Variants in CFAP44 observed in about 807,000 individuals in gnomAD.
The protein encoded by CFAP44 is cilia and flagella associated protein 44, also known as cilia- and flagella-associated protein 44.
A neutral mutation model predicts 216.2 loss-of-function variants in CFAP44; 134 were observed. That is an observed-to-expected ratio of 0.62 (90% CI 0.54 to 0.72). The LOEUF (loss-of-function observed/expected upper bound fraction) is 0.72. CFAP44 is among the 30% of genes least tolerant of loss of function. CFAP44 has a pLI of 0.00. For synonymous variants in CFAP44, 700 were observed against 727.6 expected (o/e 0.96, Z 0.61); for missense variants, 2,035 against 2,182.1 (o/e 0.93, Z 1.34).
In CFAP44 at chr3:113,436,093, T is replaced by C. The variant is rs193098887; in HGVS notation, c.-5-2424A>G. On this transcript the variant is annotated intron_variant, in intron 1 of 34. Coordinates refer to ENST00000393845, the MANE Select transcript of CFAP44 (RefSeq NM_001164496.2). The stretch of plus-strand genomic sequence containing the variant: ...TTTTAAAATTCACATTCTGTCATCC[T>C]TTTAGTTATCCACATCTCAACATCC... Among the ~76,000 whole-genome samples, 8 of 152,288 alleles carry C rather than the reference T, an allele frequency of 5.3e-5. No homozygotes were observed. The East Asian group carries it at 1.3e-3, about 26-fold the overall frequency.
intron 4 of CFAP44, among the ~76,000 whole-genome samples, chr3:113,425,124 T>C (rs532008967): frequency 1.3e-5 from 2 of 152,090 alleles, no homozygotes; most frequent in African/African-American, 4.8e-5. Context: ...AAAAAAGCCA[T>C]GAAGAGAGAA....
chr3:113,341,621 TTTTA>T (rs1213536255), intron 24 of CFAP44, 119 bp downstream of exon 24: 2 of 1,151,040 alleles, frequency 1.7e-6, no homozygotes, highest in African/African-American at 1.6e-5. Context: ...CCTTCTTTGT[TTTTA>T]TTGTTTTCAC....
chr3:113,404,495 C>T (rs986715981), intron 8 of CFAP44, among the ~76,000 whole-genome samples: 1 of 152,136 alleles, frequency 6.6e-6, no homozygotes, highest in Admixed American at 6.5e-5. Flanking sequence ...TTTAATCTGG[C>T]ATTTTCCCAA....
intron 17 of CFAP44, among the ~76,000 whole-genome samples, chr3:113,375,694 A>T (rs1933322405): frequency 6.6e-6 from 1 of 152,162 alleles, no homozygotes; most frequent in African/African-American, 2.4e-5. Flanking sequence ...GTTGGCACAC[A>T]CCTGTAATCT....
At chr3:113,303,660 G>A (rs962334076) in intron 32 of CFAP44, among the ~76,000 whole-genome samples, 5 of 152,084 alleles carry the variant, frequency 3.3e-5, no homozygotes, top group African/African-American at 1.2e-4. Flanking sequence ...GGTTATTATT[G>A]TATTATTCTA....
intron 28 of CFAP44, among the ~76,000 whole-genome samples, chr3:113,316,705 CTAAAAATA>C (rs1275146858): frequency 6.6e-6 from 1 of 151,942 alleles, no homozygotes; most frequent in African/African-American, 2.4e-5. Context: ...CCCATCTCTA[CTAAAAATA>C]TAAAAATTAG....
intron 22 of CFAP44, among the ~76,000 whole-genome samples, chr3:113,348,101 CAT>C (rs1950406088): frequency 6.6e-6 from 1 of 152,174 alleles, no homozygotes; most frequent in Non-Finnish European, 1.5e-5. Flanking sequence ...GTCCAGGGAC[CAT>C]TGCAGGTTCT....
intron 26 of CFAP44, among the ~76,000 whole-genome samples, chr3:113,329,670 T>A (rs1015743728): frequency 1.3e-5 from 2 of 152,164 alleles, no homozygotes; most frequent in African/African-American, 4.8e-5. Flanking sequence ...GAAATAAGAA[T>A]AGTCGCCATT....
At chr3:113,386,606 C>T (rs564657267) in intron 15 of CFAP44, among the ~76,000 whole-genome samples, 3 of 152,244 alleles carry the variant, frequency 2.0e-5, no homozygotes, top group African/African-American at 7.2e-5. Flanking sequence ...TGGTTAGAGG[C>T]AGGGACAAGG....
Position 113,304,127 on chromosome 3 carries a change from T to G in CFAP44, c.4876-10A>C. 1 of 1,529,730 alleles carries G rather than the reference T, an allele frequency of 6.5e-7. No individual in the cohort carries two copies. The highest frequency in any genetic ancestry group is 2.5e-5 in the East Asian group (1 of 40,764). The allele number at this position is 1,529,730 out of a possible 1,614,324, so 94.8% of individuals were successfully genotyped here. ...ATACCACATACTCTATCTACAAGCA[T>G]AAAACAAATCAAAAGAAAATAGACA... On this transcript the variant is annotated splice_polypyrimidine_tract_variant and intron_variant, in intron 31 of 34. Transcript: ENST00000393845.
intron 17 of CFAP44, among the ~76,000 whole-genome samples, chr3:113,377,881 G>A (rs937775879): frequency 6.6e-6 from 1 of 152,144 alleles, no homozygotes; most frequent in Non-Finnish European, 1.5e-5. Flanking sequence ...TTGATCTTCT[G>A]ACCTCGTGAT....
At chr3:113,375,048 T>G (rs1357037603) in intron 17 of CFAP44, among the ~76,000 whole-genome samples, 1 of 152,218 alleles carries the variant, frequency 6.6e-6, no homozygotes, top group Admixed American at 6.5e-5. Context: ...CGGATGAAAC[T>G]TGGGGAAATT....
intron 30 of CFAP44, 112 bp downstream of exon 30, chr3:113,306,089 A>G (rs1042231323): frequency 2.3e-6 from 3 of 1,302,768 alleles, no homozygotes; most frequent in South Asian, 1.7e-5. Flanking sequence ...AACATTTGAA[A>G]TGTTTCTTTT....
intron 22 of CFAP44, among the ~76,000 whole-genome samples, chr3:113,352,075 G>A (rs146905659): frequency 0.01 from 1,575 of 152,248 alleles, 31 homozygotes; most frequent in African/African-American, 0.036. Flanking sequence ...GGGATTGAGA[G>A]GTGAAGCCAG....
intron 24 of CFAP44, among the ~76,000 whole-genome samples, chr3:113,341,241 C>G (rs564670217): frequency 1.2e-4 from 19 of 152,326 alleles, no homozygotes; most frequent in Non-Finnish European, 2.4e-4. Flanking sequence ...GATGGAGCCC[C>G]AGCCCGGGAC....
At chr3:113,291,894 T>G (rs1042140391) in intron 34 of CFAP44, 146 bp from the exon 35 acceptor site, 2 of 865,214 alleles carry the variant, frequency 2.3e-6, no homozygotes, top group East Asian at 2.7e-5. Context: ...CTTCAATTCC[T>G]CTGCTAAAAT....
chr3:113,377,342 C>T (rs1933374511), intron 17 of CFAP44, among the ~76,000 whole-genome samples: 2 of 152,118 alleles, frequency 1.3e-5, no homozygotes, highest in Non-Finnish European at 2.9e-5. Flanking sequence ...TCAAGCTTTG[C>T]TACCTCTGTT....
intron 12 of CFAP44, 94 bp downstream of exon 12, chr3:113,400,450 TC>T (rs1465685882): frequency 1.8e-6 from 2 of 1,114,788 alleles, no homozygotes; most frequent in Non-Finnish European, 2.4e-6. Flanking sequence ...TTTGGGAAAA[TC>T]CCCAAATGCT....
At chr3:113,340,954 C>G (rs1225441881) in intron 24 of CFAP44, among the ~76,000 whole-genome samples, 2 of 152,222 alleles carry the variant, frequency 1.3e-5, no homozygotes, top group African/African-American at 4.8e-5. Flanking sequence ...CACTCGGCAG[C>G]CCCAGCCCGA....
Sources: allele counts gnomAD v4.1 joint callset (sites outside exome capture counted in the v4.1 genomes callset), GRCh38; gene constraint gnomAD v4.1.1; transcripts MANE v1.5; gene names NCBI Gene and HGNC (gene_info 2026-07-23, HGNC 2026-07-21).